ARMC7: variants seen among roughly 807,000 people sequenced by gnomAD.
The protein encoded by ARMC7 is armadillo repeat-containing protein 7.
Under a neutral mutation model 14.8 loss-of-function variants are expected in ARMC7, and 9 were observed. The observed-to-expected ratio is 0.61, with a 90% CI of 0.37 to 1.06. The LOEUF (loss-of-function observed/expected upper bound fraction) is 1.06. Among genes scored for constraint, ARMC7 ranks in the 50% least tolerant of loss-of-function variants. ARMC7 has a pLI of 0.01. For synonymous variants in ARMC7, 125 were observed against 123.4 expected, an observed-to-expected ratio of 1.01 and a Z score of -0.09; for missense variants, 262 against 267.1, an observed-to-expected ratio of 0.98 and a Z score of 0.13.
At chr17:75,116,080 G>C (rs561676188) in intron 2 of ARMC7, among the ~76,000 whole-genome samples, 1 of 152,320 alleles carries the variant, frequency 6.6e-6, no homozygotes, top group African/African-American at 2.4e-5. Flanking sequence ...CGGAATGACA[G>C]GAACACCGAT....
intron 2 of ARMC7, among the ~76,000 whole-genome samples, chr17:75,125,984 C>T (rs2074048683): frequency 1.3e-5 from 2 of 152,206 alleles, no homozygotes; most frequent in Admixed American, 1.3e-4. Flanking sequence ...GGGCACCTGT[C>T]CCTCTGGCTG....
At chr17:75,125,704 G>T (rs113065036) in intron 2 of ARMC7, among the ~76,000 whole-genome samples, 8,732 of 152,156 alleles carry the variant, frequency 0.057, 687 homozygotes, top group African/African-American at 0.17. Flanking sequence ...TTAGCCAGGT[G>T]TGGTGGCATG....
rs146384629 is a variant in ARMC7, at chr17:75,121,611, G to C, written c.236-7066G>C. Among the ~76,000 whole-genome samples, 15 of 152,120 alleles carry C rather than the reference G, an allele frequency of 9.9e-5. 1 individual carries two copies. Among genetic ancestry groups the C allele is most frequent in the African/African-American group, 2.9e-4 (12 of 41,490 alleles). ...GTATTTTTAGTAGAGACAGGTTTTC[G>C]CCATGTTGGCCAGGCTGGTCTGGAA... is the stretch of plus-strand genomic sequence containing the variant. On this transcript the variant is annotated intron_variant, in intron 2 of 2. Coordinates refer to ENST00000245543, the MANE Select transcript of ARMC7 (RefSeq NM_024585.4).
At chr17:75,121,413 CTTTT>C (rs1439551370) in intron 2 of ARMC7, among the ~76,000 whole-genome samples, 6 of 152,078 alleles carry the variant, frequency 3.9e-5, no homozygotes, top group East Asian at 3.9e-4. Context: ...TAGTATTGGC[CTTTT>C]TTTGTTTGTT....
Position 75,129,300 on chromosome 17 carries a change from C to G in ARMC7, c.*262C>G, listed in dbSNP as rs1568020674. ...AATCCTACATCAGGTGCCACCACCA[C>G]CAGACTCAGGCCCTGGTGTAAGAAG... On this transcript the variant is annotated 3_prime_UTR_variant, in exon 3 of 3. Coordinates refer to ENST00000245543, the MANE Select transcript of ARMC7 (RefSeq NM_024585.4). 4 of 543,692 alleles carry G rather than the reference C, an allele frequency of 7.4e-6. No homozygotes were observed. The East Asian group carries it at 1.3e-4, about 17-fold the overall frequency. The allele number at this position is 543,692 out of a possible 1,614,324, so 33.7% of individuals were successfully genotyped here. A position where few individuals can be genotyped will look rare whatever the true frequency, so the allele number is the denominator to read the frequency against.
At chr17:75,116,190 A>T (rs1660998054) in intron 2 of ARMC7, among the ~76,000 whole-genome samples, 1 of 152,176 alleles carries the variant, frequency 6.6e-6, no homozygotes, top group Non-Finnish European at 1.5e-5. Flanking sequence ...ATTAGCTCAC[A>T]CTTGGGGAGC....
chr17:75,129,264 C>T lies in ARMC7; in HGVS notation c.*226C>T. 1.6e-6 allele frequency: 1 copy of T among 632,736 alleles called. No individual in the cohort carries two copies. Among genetic ancestry groups the T allele is most frequent in the South Asian group, 2.3e-5 (1 of 43,712 alleles). The allele number at this position is 632,736 out of a possible 1,614,324, so 39.2% of individuals were successfully genotyped here. ...ATCAAACTGGAGCTGCGTTCATAGG[C>T]TGGCACTCTCAATCCTACATCAGGT... On this transcript the variant is annotated 3_prime_UTR_variant, in exon 3 of 3. Transcript: ENST00000245543.
At position 75,128,745 on chromosome 17, in the gene ARMC7, CTCA is replaced by C. The variant is rs374083928; in HGVS notation, c.311_313del (p.Ile104del). 188 of 1,613,628 alleles carry C rather than the reference CTCA, an allele frequency of 1.2e-4. No homozygotes were observed. The African/African-American group carries it at 1.8e-3, about 16-fold the overall frequency. ...CATCCTGCACGCAGGAGGTGTCCCACTCATCATCAACTGCCTATCCAGCCCCAA... is the reference window on the plus strand; with the variant it reads ...CATCCTGCACGCAGGAGGTGTCCCACTCATCAACTGCCTATCCAGCCCCAA... On this transcript the variant is annotated inframe_deletion, in exon 3 of 3. Coordinates refer to ENST00000245543, the MANE Select transcript of ARMC7 (RefSeq NM_024585.4).
At chr17:75,120,790 G>A (rs2074008288) in intron 2 of ARMC7, among the ~76,000 whole-genome samples, 1 of 146,912 alleles carries the variant, frequency 6.8e-6, no homozygotes. Flanking sequence ...CTCCAGCCTG[G>A]GCGACAGAGC....
intron 2 of ARMC7, among the ~76,000 whole-genome samples, chr17:75,116,737 G>A (rs2073975721): frequency 6.6e-6 from 1 of 152,234 alleles, no homozygotes; most frequent in South Asian, 2.1e-4. Flanking sequence ...TCCTAGGATT[G>A]TGGAGCGAAA....
intron 2 of ARMC7, among the ~76,000 whole-genome samples, chr17:75,127,708 C>A (rs1223274890): frequency 6.6e-6 from 1 of 152,170 alleles, no homozygotes; most frequent in Non-Finnish European, 1.5e-5. Context: ...AGTCCTCCCA[C>A]CTCAGCCTCT....
intron 2 of ARMC7, among the ~76,000 whole-genome samples, chr17:75,118,844 A>G (rs1481694793): frequency 6.6e-6 from 1 of 152,176 alleles, no homozygotes. Flanking sequence ...CGATGGTTCT[A>G]ACCCCTTTGT....
intron 2 of ARMC7, among the ~76,000 whole-genome samples, chr17:75,124,599 C>T (rs1395625908): frequency 6.6e-6 from 1 of 152,056 alleles, no homozygotes; most frequent in South Asian, 2.1e-4. Context: ...CAGAAGAGTC[C>T]GACCACAGCA....
chr17:75,119,522 C>T (rs1311183349), intron 2 of ARMC7, among the ~76,000 whole-genome samples: 1 of 148,270 alleles, frequency 6.7e-6, no homozygotes, highest in Non-Finnish European at 1.5e-5. Flanking sequence ...GATCTCGACT[C>T]ACTGCAAGCT....
At chr17:75,122,684 G>T (rs1044517643) in intron 2 of ARMC7, among the ~76,000 whole-genome samples, 1 of 152,066 alleles carries the variant, frequency 6.6e-6, no homozygotes, top group African/African-American at 2.4e-5. Flanking sequence ...ATTTTTAAAA[G>T]AATATCTGTA....
intron 2 of ARMC7, among the ~76,000 whole-genome samples, chr17:75,125,495 G>A (rs116523328): frequency 0.026 from 4,009 of 152,174 alleles, 178 homozygotes; most frequent in African/African-American, 0.092. Context: ...CAGGGGTAAG[G>A]AGCACACGGA....
At chr17:75,122,731 T>C (rs1162146731) in intron 2 of ARMC7, among the ~76,000 whole-genome samples, 1 of 152,174 alleles carries the variant, frequency 6.6e-6, no homozygotes, top group Non-Finnish European at 1.5e-5. Context: ...CACCTGCTAA[T>C]GCGAGGCTGC....
chr17:75,118,521 G>A (rs1283132908), intron 2 of ARMC7, among the ~76,000 whole-genome samples: 3 of 152,172 alleles, frequency 2.0e-5, no homozygotes, highest in Non-Finnish European at 2.9e-5. Flanking sequence ...GCCCGCCGTC[G>A]GCACCGCCAC....
chr17:75,121,315 G>C (rs1415427941), intron 2 of ARMC7, among the ~76,000 whole-genome samples: 1 of 152,178 alleles, frequency 6.6e-6, no homozygotes, highest in Non-Finnish European at 1.5e-5. Flanking sequence ...TAGGGTAGAT[G>C]TGCGTTTAAC....
Sources: allele counts gnomAD v4.1 joint callset (sites outside exome capture counted in the v4.1 genomes callset), GRCh38; gene constraint gnomAD v4.1.1; transcripts MANE v1.5; gene names NCBI Gene and HGNC (gene_info 2026-07-23, HGNC 2026-07-21).